Variants in FAM53A observed in about 807,000 individuals in gnomAD.
The protein encoded by FAM53A is protein FAM53A.
In FAM53A, 28 loss-of-function variants were observed where a neutral mutation model predicts 26.6. The observed-to-expected ratio is 1.05, with a 90% CI of 0.78 to 1.45. FAM53A has a LOEUF of 1.45. FAM53A is among the 40% of genes most tolerant of loss of function. The probability of loss-of-function intolerance (pLI) is 0.00; values close to 1 mark genes in which losing one functional copy is unlikely to be tolerated. For synonymous variants in FAM53A, 290 were observed against 253.1 expected (o/e 1.15, Z -1.38); for missense variants, 650 against 575.8 (o/e 1.13, Z -1.32).
chr4:1,675,020 G>A (rs1353321251), intron 1 of FAM53A, among the ~76,000 whole-genome samples: 2 of 148,594 alleles, frequency 1.3e-5, no homozygotes, highest in African/African-American at 5.3e-5. Context: ...TGAGAAGGAT[G>A]CCGTAGGACC....
At chr4:1,626,780 G>C (rs1193109877) in intron 1 of FAM53A, among the ~76,000 whole-genome samples, 1 of 152,226 alleles carries the variant, frequency 6.6e-6, no homozygotes, top group African/African-American at 2.4e-5. Flanking sequence ...CCTGAGCCCA[G>C]AGACTCAGCC....
At chr4:1,677,430 C>G (rs374535916) in intron 1 of FAM53A, among the ~76,000 whole-genome samples, 5 of 152,328 alleles carry the variant, frequency 3.3e-5, no homozygotes, top group African/African-American at 9.6e-5. Context: ...TGCTTCACCC[C>G]CAAGGGCTCC....
chr4:1,578,416 C>T, the FAM53A span, among the ~76,000 whole-genome samples: 43,959 of 151,966 alleles, frequency 0.29, 6,901 homozygotes, highest in Admixed American at 0.38. Flanking sequence ...GGTGCGTGCG[C>T]TAGTGCCCGC....
the FAM53A span, among the ~76,000 whole-genome samples, chr4:1,609,008 C>T: frequency 1.3e-5 from 2 of 151,988 alleles, no homozygotes; most frequent in Non-Finnish European, 2.9e-5. Context: ...AATGGGATGG[C>T]GGCTGCCGAT....
intron 1 of FAM53A, among the ~76,000 whole-genome samples, chr4:1,622,317 G>A (rs371676804): frequency 1.1e-4 from 17 of 152,248 alleles, no homozygotes; most frequent in Admixed American, 3.9e-4. Flanking sequence ...GAACAAAGGC[G>A]GCTGCTTCCC....
At chr4:1,634,894 C>CT (rs1434023135), downstream of FAM53A, among the ~76,000 whole-genome samples, 2 of 146,950 alleles carry the variant, frequency 1.4e-5, no homozygotes, top group African/African-American at 5.1e-5. Flanking sequence ...GAGAGAAACT[C>CT]TGTCTCAAAA....
chr4:1,633,590 T>C (rs904429886), intron 1 of FAM53A, among the ~76,000 whole-genome samples: 1 of 152,044 alleles, frequency 6.6e-6, no homozygotes, highest in Non-Finnish European at 1.5e-5. Flanking sequence ...AAGGCAGAAT[T>C]AATGAATTGG....
intron 2 of FAM53A, among the ~76,000 whole-genome samples, chr4:1,657,906 T>C (rs1342460171): frequency 6.6e-6 from 1 of 152,124 alleles, no homozygotes; most frequent in Non-Finnish European, 1.5e-5. Flanking sequence ...CCTAAAGTGC[T>C]GGAATTACAG....
At chr4:1,613,611 G>A (rs557115174), downstream of FAM53A, among the ~76,000 whole-genome samples, 299 of 152,300 alleles carry the variant, frequency 2.0e-3, no homozygotes, top group Non-Finnish European at 3.6e-3. Context: ...GTGGCTATGC[G>A]TGTGTGTGTC....
chr4:1,643,310 C>T (rs1201740914), intron 4 of FAM53A, among the ~76,000 whole-genome samples: 1 of 151,786 alleles, frequency 6.6e-6, no homozygotes, highest in Non-Finnish European at 1.5e-5. Flanking sequence ...ACTAAAAATA[C>T]AAAAAATTAA....
chr4:1,666,603 C>T (rs894740041), intron 2 of FAM53A, among the ~76,000 whole-genome samples: 3 of 152,252 alleles, frequency 2.0e-5, no homozygotes, highest in African/African-American at 7.2e-5. Context: ...GTCCACTTGC[C>T]AAAAATGTCC....
At position 1,664,673 on chromosome 4, in the gene FAM53A, G is replaced by A. The variant is rs1714097824; in HGVS notation, c.75+3994C>T. 2.6e-5 allele frequency among the ~76,000 whole-genome samples: 4 copies of A among 152,120 alleles called. No homozygotes were observed. In the South Asian group the frequency reaches 6.2e-4, roughly 24 times the overall value. On this transcript the variant is annotated intron_variant, in intron 2 of 4. Coordinates refer to ENST00000308132, the MANE Select transcript of FAM53A (RefSeq NM_001174070.3). ...CTCAACACAGGCAATCACACTGTCC[G>A]AATTACACAGATTAAAAATCCTGGC...
intron 4 of FAM53A, among the ~76,000 whole-genome samples, chr4:1,645,615 C>T (rs1033916996): frequency 6.6e-5 from 10 of 152,202 alleles, no homozygotes; most frequent in South Asian, 4.1e-4. Flanking sequence ...CTGATGGCAC[C>T]GGCTCCTCAT....
the FAM53A span, among the ~76,000 whole-genome samples, chr4:1,586,867 T>C: frequency 1.3e-5 from 2 of 152,140 alleles, no homozygotes; most frequent in Non-Finnish European, 2.9e-5. Context: ...CTCTGTACTC[T>C]TTTCCACTTT....
chr4:1,605,474 C>CG, the FAM53A span, among the ~76,000 whole-genome samples: 8 of 152,172 alleles, frequency 5.3e-5, no homozygotes, highest in Non-Finnish European at 1.5e-5. The surrounding 1 kb of genome is among the most constrained non-coding windows in gnomAD (Gnocchi z 5.7). Flanking sequence ...GAGCCTGACT[C>CG]GGAGTGTGGT....
At chr4:1,617,692 T>C (rs1348625089), downstream of FAM53A, among the ~76,000 whole-genome samples, 2 of 152,198 alleles carry the variant, frequency 1.3e-5, no homozygotes, top group Non-Finnish European at 2.9e-5. Flanking sequence ...AGCCACTCTT[T>C]TTTAGGTCCG....
the FAM53A span, among the ~76,000 whole-genome samples, chr4:1,612,353 CAGTGAAGGTTAA>C: frequency 6.6e-6 from 1 of 152,232 alleles, no homozygotes; most frequent in African/African-American, 2.4e-5. Flanking sequence ...ACGGTGCTGC[CAGTGAAGGTTAA>C]AGTGGCTACT....
chr4:1,669,286 C>T (rs1363172929), intron 1 of FAM53A, among the ~76,000 whole-genome samples: 1 of 152,250 alleles, frequency 6.6e-6, no homozygotes, highest in South Asian at 2.1e-4. Flanking sequence ...TACCCACCCC[C>T]TTCTGCTCCA....
At chr4:1,578,611 C>T in the FAM53A span, among the ~76,000 whole-genome samples, 3 of 151,088 alleles carry the variant, frequency 2.0e-5, no homozygotes, top group East Asian at 5.9e-4. Context: ...TGCAGGTCCC[C>T]ATGGGAAGCG....
Sources: allele counts gnomAD v4.1 joint callset (sites outside exome capture counted in the v4.1 genomes callset), GRCh38; gene constraint gnomAD v4.1.1; non-coding constraint Gnocchi (gnomAD v3.1); transcripts MANE v1.5; gene names NCBI Gene and HGNC (gene_info 2026-07-23, HGNC 2026-07-21).